The following PPP3CA variants were observed in gnomAD, a reference collection of about 807,000 sequenced individuals.
PPP3CA encodes the protein protein phosphatase 3 catalytic subunit alpha, also known as CAM-PRP catalytic subunit.
In PPP3CA, 14 loss-of-function variants were observed where a neutral mutation model predicts 66.5. That is an observed-to-expected ratio of 0.21 (90% CI 0.14 to 0.33). The LOEUF is 0.33. PPP3CA is among the 10% of genes least tolerant of loss of function. The pLI, the probability that PPP3CA is intolerant of heterozygous loss-of-function variation, is 1.00. For synonymous variants in PPP3CA, 232 were observed against 226.2 expected (o/e 1.03, Z -0.23); for missense variants, 317 against 639.5 (o/e 0.50, Z 5.44).
intron 10 of PPP3CA, among the ~76,000 whole-genome samples, chr4:101,046,122 A>T (rs1002847903): frequency 6.6e-6 from 1 of 152,138 alleles, no homozygotes; most frequent in Non-Finnish European, 1.5e-5. Context: ...TTCTCACTGG[A>T]GTTACATTCT....
At chr4:101,091,000 T>G (rs2110247202) in intron 6 of PPP3CA, among the ~76,000 whole-genome samples, 1 of 151,704 alleles carries the variant, frequency 6.6e-6, no homozygotes, top group Non-Finnish European at 1.5e-5. Context: ...TATATACACA[T>G]CTGTGTCTAA....
intron 3 of PPP3CA, among the ~76,000 whole-genome samples, chr4:101,100,554 C>A (rs1399124855): frequency 2.0e-5 from 3 of 152,098 alleles, no homozygotes; most frequent in African/African-American, 7.2e-5. Flanking sequence ...ACATTTGACA[C>A]AGCCTTCCTG....
At chr4:101,131,207 G>A (rs1722420052) in intron 2 of PPP3CA, among the ~76,000 whole-genome samples, 1 of 151,280 alleles carries the variant, frequency 6.6e-6, no homozygotes, top group African/African-American at 2.4e-5. Context: ...TTGTACTCCA[G>A]GCTGGGTGAC....
chr4:101,178,114 A>G (rs1724120804), intron 2 of PPP3CA, among the ~76,000 whole-genome samples: 1 of 152,104 alleles, frequency 6.6e-6, no homozygotes, highest in African/African-American at 2.4e-5. Context: ...AATCACTTGC[A>G]CAGAAGTTTA....
At chr4:101,285,392 A>G (rs555625617) in intron 1 of PPP3CA, among the ~76,000 whole-genome samples, 1 of 151,382 alleles carries the variant, frequency 6.6e-6, no homozygotes, top group African/African-American at 2.5e-5. Flanking sequence ...TAATATCACT[A>G]ATCTGTAAAT....
intron 3 of PPP3CA, among the ~76,000 whole-genome samples, chr4:101,101,422 A>G (rs1157226432): frequency 6.6e-6 from 1 of 152,214 alleles, no homozygotes; most frequent in Non-Finnish European, 1.5e-5. Context: ...TCCCCAATTT[A>G]AAATGTCTAA....
chr4:101,242,470 C>T (rs1334548498), intron 1 of PPP3CA, among the ~76,000 whole-genome samples: 7 of 151,678 alleles, frequency 4.6e-5, no homozygotes, highest in African/African-American at 1.7e-4. Flanking sequence ...GAGACAAGTG[C>T]CAGAGAATAA....
intron 1 of PPP3CA, among the ~76,000 whole-genome samples, chr4:101,339,200 A>G (rs1316479364): frequency 6.6e-6 from 1 of 152,232 alleles, no homozygotes; most frequent in East Asian, 1.9e-4. Context: ...ATATATTGAG[A>G]TGTAAACAGG....
At chr4:101,231,308 G>T (rs1725953590) in intron 1 of PPP3CA, among the ~76,000 whole-genome samples, 1 of 151,658 alleles carries the variant, frequency 6.6e-6, no homozygotes, top group Non-Finnish European at 1.5e-5. Context: ...TAGTTTATCA[G>T]GCCGCTAACT....
intron 2 of PPP3CA, among the ~76,000 whole-genome samples, chr4:101,158,821 T>A (rs146631583): frequency 6.6e-6 from 1 of 152,226 alleles, no homozygotes; most frequent in Non-Finnish European, 1.5e-5. Context: ...TGGCAAATAA[T>A]AGTTAAAGCA....
At chr4:101,233,829 A>G (rs1313657769) in intron 1 of PPP3CA, among the ~76,000 whole-genome samples, 3 of 151,670 alleles carry the variant, frequency 2.0e-5, no homozygotes, top group Non-Finnish European at 4.4e-5. Context: ...CATACTACAC[A>G]AACTAGGGTT....
At chr4:101,154,134 C>T (rs1166696099) in intron 2 of PPP3CA, among the ~76,000 whole-genome samples, 3 of 152,138 alleles carry the variant, frequency 2.0e-5, no homozygotes, top group Non-Finnish European at 4.4e-5. Flanking sequence ...TGCTTGCCTG[C>T]CTTCTTGTTT....
At chr4:101,202,804 A>G (rs1725010383) in intron 1 of PPP3CA, among the ~76,000 whole-genome samples, 1 of 152,200 alleles carries the variant, frequency 6.6e-6, no homozygotes, top group South Asian at 2.1e-4. Flanking sequence ...ATAAAAACAC[A>G]ACTTAGTAAT....
chr4:101,061,055 A>G, intron 10 of PPP3CA, 32 bp downstream of exon 10: 3 of 1,562,338 alleles, frequency 1.9e-6, no homozygotes, highest in Non-Finnish European at 2.6e-6. Flanking sequence ...TATCTGGCAA[A>G]TAGCATTAGC....
At chr4:101,067,040 G>C (rs1038519260) in intron 8 of PPP3CA, among the ~76,000 whole-genome samples, 1 of 152,116 alleles carries the variant, frequency 6.6e-6, no homozygotes, top group Non-Finnish European at 1.5e-5. Context: ...TTGTAACAGA[G>C]AGACTGTGAC....
At chr4:101,223,360 T>C (rs1482128310) in intron 1 of PPP3CA, among the ~76,000 whole-genome samples, 1 of 151,804 alleles carries the variant, frequency 6.6e-6, no homozygotes, top group Non-Finnish European at 1.5e-5. Flanking sequence ...TCAAACATAT[T>C]AAACTCCTTG....
intron 2 of PPP3CA, among the ~76,000 whole-genome samples, chr4:101,164,540 T>C (rs964634602): frequency 6.8e-6 from 1 of 147,394 alleles, no homozygotes; most frequent in African/African-American, 2.5e-5. Flanking sequence ...AACTTGCTAT[T>C]TCTAAAAATA....
At chr4:101,112,910 C>T (rs1250415442) in intron 2 of PPP3CA, among the ~76,000 whole-genome samples, 4 of 152,000 alleles carry the variant, frequency 2.6e-5, no homozygotes, top group Admixed American at 2.6e-4. Context: ...ACTTGTGTGC[C>T]CAGGAGGCAC....
intron 1 of PPP3CA, among the ~76,000 whole-genome samples, chr4:101,273,302 T>A (rs979746750): frequency 6.6e-6 from 1 of 152,106 alleles, no homozygotes; most frequent in Admixed American, 6.5e-5. Context: ...ATTACTTTTT[T>A]TTTTTTTGAG....
Sources: gnomAD v4.1 joint callset for allele counts (sites outside exome capture counted in the v4.1 genomes callset) on GRCh38, gnomAD v4.1.1 for gene constraint, MANE v1.5 for transcripts, NCBI Gene and HGNC (gene_info 2026-07-23, HGNC 2026-07-21) for gene names.